The following NTNG1 variants were observed in gnomAD, a reference collection of about 807,000 sequenced individuals.
The protein encoded by NTNG1 is netrin-G1.
In NTNG1, 16 loss-of-function variants were observed where a neutral mutation model predicts 54.0. The observed-to-expected ratio is 0.30, with a 90% CI of 0.20 to 0.45. The LOEUF is 0.45. Ranked by LOEUF, NTNG1 falls within the 20% of genes least tolerant of loss-of-function variation. The pLI, the probability that NTNG1 is intolerant of heterozygous loss-of-function variation, is 1.00. For missense variants in NTNG1, 530 were observed against 678.7 expected (o/e 0.78, Z 2.43); for synonymous variants, 255 against 263.1 (o/e 0.97, Z 0.30).
intron 3 of NTNG1, among the ~76,000 whole-genome samples, chr1:107,327,515 A>C (rs1364127876): frequency 6.6e-6 from 1 of 152,160 alleles, no homozygotes; most frequent in Non-Finnish European, 1.5e-5. Flanking sequence ...TTAATTGATA[A>C]TCTCTAAAAG....
chr1:107,419,012 G>A (rs1050570365), intron 5 of NTNG1, among the ~76,000 whole-genome samples: 5 of 151,946 alleles, frequency 3.3e-5, no homozygotes, highest in Non-Finnish European at 1.5e-5. Context: ...CAACCAACTG[G>A]TACCTCAGTT....
intron 2 of NTNG1, among the ~76,000 whole-genome samples, chr1:107,209,940 G>A (rs1210718309): frequency 6.6e-6 from 1 of 151,586 alleles, no homozygotes. Context: ...TGTTTAAATT[G>A]GATGGTTCAG....
At chr1:107,284,072 G>A (rs950623667) in intron 2 of NTNG1, among the ~76,000 whole-genome samples, 1 of 151,924 alleles carries the variant, frequency 6.6e-6, no homozygotes, top group African/African-American at 2.4e-5. Context: ...CTACTCATTT[G>A]TTAGTATACT....
chr1:107,454,157 C>T (rs183359118), intron 7 of NTNG1, among the ~76,000 whole-genome samples: 19 of 152,200 alleles, frequency 1.2e-4, no homozygotes, highest in Admixed American at 1.2e-3. Context: ...TGTTGGTAAA[C>T]ACAAACAATA....
At chr1:107,465,072 CA>C (rs1222447662) in intron 7 of NTNG1, among the ~76,000 whole-genome samples, 1 of 152,126 alleles carries the variant, frequency 6.6e-6, no homozygotes, top group Non-Finnish European at 1.5e-5. Context: ...AAACTGCTAA[CA>C]AAGGGACTTT....
At chr1:107,465,195 A>C (rs1473757325) in intron 7 of NTNG1, among the ~76,000 whole-genome samples, 1 of 152,230 alleles carries the variant, frequency 6.6e-6, no homozygotes, top group African/African-American at 2.4e-5. Context: ...CACGTGAAAA[A>C]TCATCATTGG....
At chr1:107,216,156 T>G (rs1659940557) in intron 2 of NTNG1, among the ~76,000 whole-genome samples, 1 of 152,184 alleles carries the variant, frequency 6.6e-6, no homozygotes, top group Non-Finnish European at 1.5e-5. Context: ...CTTGTCCAGT[T>G]GCTCTGGCTA....
chr1:107,278,799 A>G (rs1342732933), intron 2 of NTNG1, among the ~76,000 whole-genome samples: 2 of 152,164 alleles, frequency 1.3e-5, no homozygotes, highest in Non-Finnish European at 2.9e-5. Context: ...ACTTAAAAAA[A>G]AGATTTTCTT....
At chr1:107,475,105 C>T (rs564648234) in intron 7 of NTNG1, among the ~76,000 whole-genome samples, 8 of 152,268 alleles carry the variant, frequency 5.3e-5, no homozygotes, top group Admixed American at 5.2e-4. Flanking sequence ...TCAACAAAGA[C>T]CTCTGCCTAG....
chr1:107,190,254 A>G (rs568252451), intron 2 of NTNG1, among the ~76,000 whole-genome samples: 23 of 152,206 alleles, frequency 1.5e-4, no homozygotes, highest in African/African-American at 3.9e-4. Flanking sequence ...TTGCAAAGCA[A>G]TGTTAACTCA....
At chr1:107,143,508 A>C (rs1012623566) in intron 1 of NTNG1, 3 of 148,096 alleles carry the variant, frequency 2.0e-5, no homozygotes, top group Admixed American at 1.4e-4. Flanking sequence ...TTACAAAGGC[A>C]TCAAGTCACT....
At chr1:107,298,727 G>A (rs1666132946) in intron 2 of NTNG1, among the ~76,000 whole-genome samples, 1 of 152,132 alleles carries the variant, frequency 6.6e-6, no homozygotes, top group Non-Finnish European at 1.5e-5. Flanking sequence ...GTCATTGCCT[G>A]CACATGCACA....
intron 3 of NTNG1, among the ~76,000 whole-genome samples, chr1:107,345,810 C>T (rs756018645): frequency 6.6e-6 from 1 of 152,044 alleles, no homozygotes; most frequent in Admixed American, 6.6e-5. Flanking sequence ...ATTTTCATTC[C>T]TAGGTTATGT....
At chr1:107,425,650 G>A (rs907354552) in intron 5 of NTNG1, among the ~76,000 whole-genome samples, 10 of 152,004 alleles carry the variant, frequency 6.6e-5, no homozygotes, top group African/African-American at 2.2e-4. Flanking sequence ...TATTACTGTA[G>A]TTGTCTTTTT....
At chr1:107,347,817 G>A (rs1339625028) in intron 3 of NTNG1, among the ~76,000 whole-genome samples, 1 of 152,180 alleles carries the variant, frequency 6.6e-6, no homozygotes, top group African/African-American at 2.4e-5. Flanking sequence ...GCAGGACGGA[G>A]TGAGTGCCAG....
intron 2 of NTNG1, among the ~76,000 whole-genome samples, chr1:107,320,455 G>A (rs1403466084): frequency 2.0e-5 from 3 of 152,084 alleles, no homozygotes; most frequent in Non-Finnish European, 4.4e-5. Context: ...TGTTATTAAA[G>A]AGGATTAGGG....
chr1:107,392,478 G>A (rs984540474), intron 3 of NTNG1, among the ~76,000 whole-genome samples: 4 of 152,080 alleles, frequency 2.6e-5, no homozygotes, highest in Non-Finnish European at 4.4e-5. Context: ...TCAACAGGCT[G>A]AAGAGGTTCC....
At chr1:107,370,254 A>T (rs893042752) in intron 3 of NTNG1, among the ~76,000 whole-genome samples, 3 of 151,948 alleles carry the variant, frequency 2.0e-5, no homozygotes, top group East Asian at 1.9e-4. Flanking sequence ...AAAAAAAAAA[A>T]AAAAGCTGCT....
intron 2 of NTNG1, among the ~76,000 whole-genome samples, chr1:107,282,844 C>A (rs917558450): frequency 2.6e-5 from 4 of 152,142 alleles, no homozygotes; most frequent in African/African-American, 9.7e-5. Flanking sequence ...AAACTTACTT[C>A]TTACAGCTGG....
Sources: gnomAD v4.1 joint callset for allele counts (sites outside exome capture counted in the v4.1 genomes callset) on GRCh38, gnomAD v4.1.1 for gene constraint, MANE v1.5 for transcripts, NCBI Gene and HGNC (gene_info 2026-07-23, HGNC 2026-07-21) for gene names.